Variants in EPHA5 observed in about 807,000 individuals in gnomAD.
EPHA5 encodes EPH receptor A5.
A neutral mutation model predicts 105.0 loss-of-function variants in EPHA5; 60 were observed. The observed-to-expected ratio is 0.57, with a 90% CI of 0.46 to 0.71. EPHA5 has a LOEUF of 0.71. Ranked by LOEUF, EPHA5 falls within the 30% of genes least tolerant of loss-of-function variation. EPHA5 has a pLI of 0.00. For missense variants in EPHA5, 1,218 were observed against 1,274.7 expected (o/e 0.96, Z 0.68); for synonymous variants, 513 against 449.1 (o/e 1.14, Z -1.80).
chr4:65,472,127 A>C (rs993929878), intron 5 of EPHA5, among the ~76,000 whole-genome samples: 5 of 152,134 alleles, frequency 3.3e-5, no homozygotes, highest in African/African-American at 1.2e-4. Flanking sequence ...CAAATGGGAG[A>C]AATTGACCGA....
intron 2 of EPHA5, among the ~76,000 whole-genome samples, chr4:65,623,683 G>A (rs748089518): frequency 6.6e-6 from 1 of 152,070 alleles, no homozygotes; most frequent in East Asian, 1.9e-4. Flanking sequence ...AAAAACGCTG[G>A]AGTCAGTGAC....
intron 3 of EPHA5, among the ~76,000 whole-genome samples, chr4:65,507,609 A>G (rs1733179657): frequency 6.6e-6 from 1 of 152,114 alleles, no homozygotes; most frequent in East Asian, 1.9e-4. Flanking sequence ...ATTCCTAGGT[A>G]TTTTATTATC....
intron 3 of EPHA5, among the ~76,000 whole-genome samples, chr4:65,600,424 T>C (rs1743605241): frequency 6.6e-6 from 1 of 152,104 alleles, no homozygotes; most frequent in Non-Finnish European, 1.5e-5. Context: ...ATTTCAAAGA[T>C]ACAAAATAGA....
intron 6 of EPHA5, among the ~76,000 whole-genome samples, chr4:65,416,168 T>A (rs1723364350): frequency 6.6e-6 from 1 of 152,092 alleles, no homozygotes; most frequent in Non-Finnish European, 1.5e-5. Context: ...AATTTAAGTA[T>A]AAAATTCTGA....
intron 11 of EPHA5, among the ~76,000 whole-genome samples, chr4:65,362,574 T>C (rs1010045748): frequency 6.6e-6 from 1 of 151,722 alleles, no homozygotes; most frequent in Admixed American, 6.6e-5. Flanking sequence ...TCCAGCAGAA[T>C]ATTTGATTAA....
chr4:65,356,741 C>A (rs572655218), intron 11 of EPHA5, among the ~76,000 whole-genome samples: 3 of 151,606 alleles, frequency 2.0e-5, no homozygotes, highest in East Asian at 3.9e-4. Context: ...CTTCAGGACC[C>A]ATTCGATTAT....
chr4:65,476,794 C>T (rs1729864370), intron 5 of EPHA5, among the ~76,000 whole-genome samples: 4 of 151,916 alleles, frequency 2.6e-5, no homozygotes, highest in Non-Finnish European at 5.9e-5. Context: ...AGCAGGTAAC[C>T]TTAAGCTATA....
intron 1 of EPHA5, among the ~76,000 whole-genome samples, chr4:65,647,136 G>A (rs922670086): frequency 6.6e-6 from 1 of 151,872 alleles, no homozygotes; most frequent in Non-Finnish European, 1.5e-5. Flanking sequence ...AGACCATCCT[G>A]GCTAACACGG....
intron 3 of EPHA5, among the ~76,000 whole-genome samples, chr4:65,539,841 A>C (rs564615654): frequency 1.3e-5 from 2 of 151,600 alleles, no homozygotes; most frequent in African/African-American, 4.8e-5. Flanking sequence ...ACAATAAACT[A>C]TACAATAAGC....
chr4:65,340,204 C>T (rs1721579495), intron 14 of EPHA5, among the ~76,000 whole-genome samples: 1 of 152,094 alleles, frequency 6.6e-6, no homozygotes, highest in Non-Finnish European at 1.5e-5. Context: ...AGTTCATTAT[C>T]CAGAAGCAAC....
chr4:65,476,127 A>AGAGAGAGAGAGAGAGT (rs1425495059), intron 5 of EPHA5, among the ~76,000 whole-genome samples: 1 of 119,106 alleles, frequency 8.4e-6, no homozygotes, highest in African/African-American at 3.1e-5. Flanking sequence ...AGAGAGAGAG[A>AGAGAGAGAGAGAGAGT]GTGTGTGTGT....
At chr4:65,614,827 C>A (rs542973385) in intron 2 of EPHA5, among the ~76,000 whole-genome samples, 1 of 151,768 alleles carries the variant, frequency 6.6e-6, no homozygotes, top group South Asian at 2.1e-4. Flanking sequence ...AACCTGGGAT[C>A]TTTACATGAT....
At chr4:65,397,153 C>G (rs1025515140) in intron 8 of EPHA5, among the ~76,000 whole-genome samples, 2 of 152,190 alleles carry the variant, frequency 1.3e-5, no homozygotes, top group Non-Finnish European at 2.9e-5. Flanking sequence ...TCACTGCGTC[C>G]AGCCCAAATG....
intron 2 of EPHA5, among the ~76,000 whole-genome samples, chr4:65,611,468 T>C (rs1031859026): frequency 1.3e-5 from 2 of 151,764 alleles, no homozygotes; most frequent in Non-Finnish European, 2.9e-5. Context: ...AGATTAGCCT[T>C]TGGTGCACTT....
chr4:65,659,343 A>G (rs1047787017), intron 1 of EPHA5, among the ~76,000 whole-genome samples: 1 of 138,826 alleles, frequency 7.2e-6, no homozygotes, highest in Non-Finnish European at 1.5e-5. Context: ...AAAAAAAAAA[A>G]AAAAAAAAAA....
chr4:65,622,071 T>G (rs1386655477), intron 2 of EPHA5, among the ~76,000 whole-genome samples: 7 of 152,144 alleles, frequency 4.6e-5, no homozygotes, highest in Non-Finnish European at 7.4e-5. Flanking sequence ...AAGTTTAAAA[T>G]TATTTAGTCA....
chr4:65,540,935 A>G (rs1480827815), intron 3 of EPHA5, among the ~76,000 whole-genome samples: 1 of 151,354 alleles, frequency 6.6e-6, no homozygotes, highest in Admixed American at 6.6e-5. Context: ...GTTTAATAAA[A>G]AAAGGAATGC....
Position 65,613,413 on chromosome 4 carries a change from A to G in EPHA5, c.247-11109T>C, listed in dbSNP as rs951826224. Among the ~76,000 whole-genome samples the G allele has an allele frequency of 2.6e-5, 4 of 152,136 alleles. No homozygotes were observed. In the East Asian group the frequency reaches 7.7e-4, roughly 29 times the overall value. ...TTTTTTGTCTAATTCTGTGAAAAAT[A>G]GTGTTGATATTTTTTATAGGAATTG... On this transcript the variant is annotated intron_variant, in intron 2 of 16. Coordinates refer to ENST00000613740, the MANE Select transcript of EPHA5 (RefSeq NM_001281766.3).
chr4:65,324,279 T>A, intron 16 of EPHA5, 60 bp from the exon 17 acceptor site: 2 of 1,204,460 alleles, frequency 1.7e-6, no homozygotes, highest in Non-Finnish European at 2.4e-6. Flanking sequence ...CCTCAATATT[T>A]CATGTTGGCA....
Sources: gnomAD v4.1 joint callset for allele counts (sites outside exome capture counted in the v4.1 genomes callset) on GRCh38, gnomAD v4.1.1 for gene constraint, MANE v1.5 for transcripts, NCBI Gene and HGNC (gene_info 2026-07-23, HGNC 2026-07-21) for gene names.